Variants in PTK2B observed in about 807,000 individuals in gnomAD.
PTK2B encodes protein tyrosine kinase 2 beta, also known as protein-tyrosine kinase 2-beta.
A neutral mutation model predicts 142.9 loss-of-function variants in PTK2B; 71 were observed. That is an observed-to-expected ratio of 0.50 (90% CI 0.41 to 0.61). The LOEUF is 0.61. Among genes scored for constraint, PTK2B ranks in the 20% least tolerant of loss-of-function variants. The pLI is 0.00. For synonymous variants in PTK2B, 519 were observed against 503.4 expected, an observed-to-expected ratio of 1.03 and a Z score of -0.42; for missense variants, 1,105 against 1,320.4, an observed-to-expected ratio of 0.84 and a Z score of 2.53.
Position 27,454,514 on chromosome 8 carries a change from C to A in PTK2B, c.2734-17C>A, listed in dbSNP as rs757760743. The stretch of plus-strand genomic sequence containing the variant: ...ATAGCTAGGAGTGGCGGCCATCCTG[C>A]CCCTTTCTCCCCCCAGAATGTGGGG... On this transcript the variant is annotated splice_polypyrimidine_tract_variant and intron_variant, in intron 29 of 30. Transcript: ENST00000346049. 1.9e-5 allele frequency: 30 copies of A among 1,612,440 alleles called. No individual in the cohort carries two copies. The highest frequency in any genetic ancestry group is 1.7e-6 in the Non-Finnish European group (2 of 1,178,682).
At chr8:27,310,985 C>T (rs1349437466), upstream of PTK2B, 3 of 1,611,850 alleles carry the variant, frequency 1.9e-6, no homozygotes, top group African/African-American at 1.3e-5. Context: ...GGCCTCCTCG[C>T]GCAGCAGCTT....
At chr8:27,385,904 A>AC (rs1807321924) in intron 1 of PTK2B, among the ~76,000 whole-genome samples, 1 of 151,694 alleles carries the variant, frequency 6.6e-6, no homozygotes, top group Non-Finnish European at 1.5e-5. Flanking sequence ...AAAAAAAAAA[A>AC]AAAAAAAGAC....
chr8:27,387,409 A>G (rs1389408507), intron 1 of PTK2B, among the ~76,000 whole-genome samples: 2 of 152,146 alleles, frequency 1.3e-5, no homozygotes, highest in Admixed American at 6.5e-5. Flanking sequence ...TAGCTGTTAC[A>G]TTTCTTCTTA....
At chr8:27,388,799 T>C (rs975334977) in intron 1 of PTK2B, among the ~76,000 whole-genome samples, 4 of 152,338 alleles carry the variant, frequency 2.6e-5, no homozygotes, top group African/African-American at 9.6e-5. Flanking sequence ...CAGGCACTTA[T>C]TCTCGCTGCC....
intron 1 of PTK2B, among the ~76,000 whole-genome samples, chr8:27,330,151 C>T (rs573121300): frequency 6.6e-6 from 1 of 152,168 alleles, no homozygotes; most frequent in South Asian, 2.1e-4. Context: ...CCAGATGCAC[C>T]CGCTTAATAA....
chr8:27,378,650 T>TAC (rs1376717431), intron 1 of PTK2B, among the ~76,000 whole-genome samples: 1 of 137,982 alleles, frequency 7.2e-6, no homozygotes, highest in African/African-American at 2.7e-5. Flanking sequence ...TGTGTGTGTG[T>TAC]ACACAAGGCA....
At chr8:27,320,377 C>G (rs1245791309) in intron 3 of PTK2B, among the ~76,000 whole-genome samples, 1 of 152,134 alleles carries the variant, frequency 6.6e-6, no homozygotes, top group African/African-American at 2.4e-5. Context: ...GAGATAGCAT[C>G]AGATCCCACA....
chr8:27,458,516 G>A lies in PTK2B; in HGVS notation c.*7G>A, dbSNP rs546583756. 34 of 1,558,570 alleles carry A rather than the reference G, an allele frequency of 2.2e-5. 1 individual carries two copies. In the South Asian group the frequency reaches 3.6e-4, roughly 17 times the overall value. ...CCACCCACCTGCAGAGTGACGGAGG[G>A]TGGGGGCCACCTGCCTGCGTCTTCC... On this transcript the variant is annotated 3_prime_UTR_variant, in exon 31 of 31. Coordinates refer to ENST00000346049, the MANE Select transcript of PTK2B (RefSeq NM_173176.3).
chr8:27,352,850 AT>A (rs1805177831), intron 1 of PTK2B, among the ~76,000 whole-genome samples: 1 of 152,234 alleles, frequency 6.6e-6, no homozygotes. Flanking sequence ...TGTAAGTTCA[AT>A]TAAACCCCTT....
chr8:27,315,489 C>A (rs575920660), intron 3 of PTK2B, among the ~76,000 whole-genome samples: 2 of 152,152 alleles, frequency 1.3e-5, no homozygotes, highest in Admixed American at 1.3e-4. Context: ...CTCCCCTCCC[C>A]CCAACGCAGA....
chr8:27,445,744 A>G lies in PTK2B; in HGVS notation c.2215-50A>G, dbSNP rs780981933. ...TCGTGTTTGTAGCAGCTAATTGTCT[A>G]CCTTCTCGCTTTGTCCCGTGCCTTG... On this transcript the variant is annotated intron_variant, in intron 23 of 30. Coordinates refer to ENST00000346049, the MANE Select transcript of PTK2B (RefSeq NM_173176.3). The G allele has an allele frequency of 5.6e-6, 9 of 1,607,806 alleles. No homozygotes were observed. The East Asian group carries it at 1.1e-4, about 20-fold the overall frequency.
chr8:27,312,965 G>A (rs1007630589), intron 2 of PTK2B, among the ~76,000 whole-genome samples: 3 of 152,144 alleles, frequency 2.0e-5, no homozygotes, highest in Non-Finnish European at 4.4e-5. Context: ...TGCCTCCTTG[G>A]AAGAAAGAAT....
chr8:27,329,673 G>T (rs987129592), intron 1 of PTK2B, among the ~76,000 whole-genome samples: 1 of 152,090 alleles, frequency 6.6e-6, no homozygotes, highest in African/African-American at 2.4e-5. Context: ...GAGTTTCCTT[G>T]TAGAGTACGG....
intron 1 of PTK2B, among the ~76,000 whole-genome samples, chr8:27,347,663 G>T (rs1804796770): frequency 6.6e-6 from 1 of 152,066 alleles, no homozygotes; most frequent in African/African-American, 2.4e-5. Flanking sequence ...CCACCCTAAT[G>T]GTCCCATTAT....
intron 22 of PTK2B, among the ~76,000 whole-genome samples, chr8:27,443,892 A>G (rs1221338218): frequency 6.6e-6 from 1 of 152,134 alleles, no homozygotes; most frequent in Non-Finnish European, 1.5e-5. Context: ...CTACCTCTGC[A>G]TGCCTGTGGC....
chr8:27,371,479 A>G (rs1017856465), intron 1 of PTK2B, among the ~76,000 whole-genome samples: 1 of 151,718 alleles, frequency 6.6e-6, no homozygotes, highest in Admixed American at 6.6e-5. Context: ...CTGGTTATTT[A>G]TTGTTCTTGA....
At chr8:27,362,319 G>A (rs1055556424) in intron 1 of PTK2B, among the ~76,000 whole-genome samples, 7 of 152,116 alleles carry the variant, frequency 4.6e-5, no homozygotes, top group African/African-American at 1.2e-4. Context: ...AGGCCCTATC[G>A]GCATGGCAGG....
At chr8:27,447,145 C>T (rs1811521574) in intron 24 of PTK2B, among the ~76,000 whole-genome samples, 1 of 152,190 alleles carries the variant, frequency 6.6e-6, no homozygotes, top group Admixed American at 6.5e-5. Flanking sequence ...GTCCAATTTC[C>T]TGCTTCTCCA....
At chr8:27,450,688 C>T (rs1203010819) in intron 24 of PTK2B, 61 bp from the exon 25 acceptor site, 72 of 1,597,458 alleles carry the variant, frequency 4.5e-5, no homozygotes, top group Middle Eastern at 1.7e-4. Flanking sequence ...AGGACTGTCC[C>T]TCCCTGAGTC....
Sources: allele counts gnomAD v4.1 joint callset (sites outside exome capture counted in the v4.1 genomes callset), GRCh38; gene constraint gnomAD v4.1.1; transcripts MANE v1.5; gene names NCBI Gene and HGNC (gene_info 2026-07-23, HGNC 2026-07-21).